The following NAGPA variants were observed in gnomAD, a reference collection of about 807,000 sequenced individuals.
The protein encoded by NAGPA is N-acetylglucosamine-1-phosphodiester alpha-N-acetylglucosaminidase.
Under a neutral mutation model 48.5 loss-of-function variants are expected in NAGPA, and 56 were observed. The ratio of observed to expected loss-of-function variants is 1.15; its 90% confidence interval spans 0.93 to 1.44. The LOEUF (loss-of-function observed/expected upper bound fraction) is 1.44, where lower values mean the gene tolerates loss of function less well. Ranked by LOEUF, NAGPA falls within the 40% of genes most tolerant of loss-of-function variation. The pLI, the probability that NAGPA is intolerant of heterozygous loss-of-function variation, is 0.00. For missense variants in NAGPA, 888 were observed against 735.0 expected (o/e 1.21, Z -2.41); for synonymous variants, 399 against 315.5 (o/e 1.26, Z -2.81).
Position 5,028,393 on chromosome 16 carries a change from G to A in NAGPA, c.921-208C>T, listed in dbSNP as rs13338866. 3.1e-3 allele frequency: 3,010 copies of A among 978,048 alleles called. 71 individuals carry two copies. In the African/African-American group the frequency reaches 0.042, roughly 14 times the overall value. 60.6% of individuals were successfully genotyped at this position (978,048 alleles called of 1,614,324 possible). A position where few individuals can be genotyped will look rare whatever the true frequency, so the allele number is the denominator to read the frequency against. On this transcript the variant is annotated intron_variant, in intron 5 of 9. Coordinates refer to ENST00000312251, the MANE Select transcript of NAGPA (RefSeq NM_016256.4). The stretch of plus-strand genomic sequence containing the variant: ...GTAACCGTAAGGTGTGCACCATCAC[G>A]CCTGCCTAATTTTTTTTTATTTTTT...
chr16:5,027,438 C>CA (rs1956022897), intron 7 of NAGPA, 59 bp from the exon 8 acceptor site: 1 of 1,559,924 alleles, frequency 6.4e-7, no homozygotes, highest in Non-Finnish European at 8.8e-7. Context: ...CCTCCAGTGT[C>CA]AGAGCCTTTC....
chr16:5,027,526 A>C (rs974303522), intron 7 of NAGPA, 147 bp from the exon 8 acceptor site: 2 of 862,350 alleles, frequency 2.3e-6, no homozygotes, highest in Admixed American at 2.1e-5. Context: ...CCCTCCCTGG[A>C]CTAGCCCCTG....
chr16:5,025,504 C>A lies in NAGPA; in HGVS notation c.1522G>T (p.Gly508Cys). 1 of 1,612,418 alleles carries A rather than the reference C, an allele frequency of 6.2e-7. No individual in the cohort carries two copies. The highest frequency in any genetic ancestry group is 2.1e-4 in the Middle Eastern group (1 of 4,784). ...PLAAEKEQPG[G>C]AHNPFKD ...CAGTCCTTGAAGGGGTTGTGGGCGC[C>A]CCCTGGCTGCTCCTTCTCTGCGGCC... The change falls in exon 10 of 10, where the codon GGC becomes TGC. Residue 508 changes from glycine to cysteine, a missense_variant. Physicochemically the swap from Gly to Cys is radical, Grantham distance 159 (BLOSUM62 -3). Coordinates refer to ENST00000312251, the MANE Select transcript of NAGPA (RefSeq NM_016256.4).
chr16:5,025,367 G>A lies in NAGPA; in HGVS notation c.*111C>T, dbSNP rs1955976767. The A allele has an allele frequency of 3.0e-6, 4 of 1,339,926 alleles. No individual in the cohort carries two copies. The highest frequency in any genetic ancestry group is 4.2e-6 in the Non-Finnish European group (4 of 962,458). The allele number at this position is 1,339,926 out of a possible 1,614,324, so 83.0% of individuals were successfully genotyped here. On this transcript the variant is annotated 3_prime_UTR_variant, in exon 10 of 10. Transcript: ENST00000312251. ...ATCAGGAACTTGGCTGCCCCACAGG[G>A]GCTGAGGACACCCAGATGGTCCACG...
rs1250997524 is a variant in NAGPA, at chr16:5,033,464, C to T, written c.351G>A (p.Ala117=). ...TCTCCTCCACGGTGGCGCGTCGTCT[C>T]GCCGCGCAGCCGCCGGGTCCACCGG... ...LEPGGPGGCA[A]RRRATVEETA... Residue 117 remains alanine (A), a synonymous_variant, in exon 2 of 10, where the codon GCG becomes GCA. Coordinates refer to ENST00000312251, the MANE Select transcript of NAGPA (RefSeq NM_016256.4). The surrounding 1 kb of genome is among the most constrained non-coding windows in gnomAD (Gnocchi z 4.2). 24 of 1,582,128 alleles carry T rather than the reference C, an allele frequency of 1.5e-5. No homozygotes were observed. Among genetic ancestry groups the T allele is most frequent in the Non-Finnish European group, 2.0e-5 (23 of 1,172,438 alleles).
In NAGPA at chr16:5,028,083, C is replaced by T. The variant is rs770818079; in HGVS notation, c.1023G>A (p.Val341=). 16 of 1,613,332 alleles carry T rather than the reference C, an allele frequency of 9.9e-6. No individual in the cohort carries two copies. Among genetic ancestry groups the T allele is most frequent in the Middle Eastern group, 1.6e-4 (1 of 6,082 alleles). The change falls in exon 6 of 10, where the codon GTG becomes GTA. Residue 341 remains valine, a synonymous_variant. Transcript: ENST00000312251. ...GCCCGGTGCATTGGCAGTGCCCGTC[C>T]ACGCAGGTCCCGTGGCCGTGGCAGT... ...PPDCHGHGTC[V]DGHCQCTGHF...
rs71402581 is a variant in NAGPA, at chr16:5,027,394, TGGGAGGA to T, written c.1175-22_1175-16del. Reference sequence around the variant, plus strand: ...AAGGGGACACTCTATGGAAAGGAGATGGGAGGAGGGAGGAGGGAGGAGAAAGGTTGGG... The same window carrying T: ...AAGGGGACACTCTATGGAAAGGAGATGGGAGGAGGGAGGAGAAAGGTTGGG... On this transcript the variant is annotated splice_polypyrimidine_tract_variant and intron_variant, in intron 7 of 9. Coordinates refer to ENST00000312251, the MANE Select transcript of NAGPA (RefSeq NM_016256.4). 0.41 allele frequency: 662,996 copies of T among 1,608,326 alleles called. 138,732 individuals carry two copies. Among genetic ancestry groups the T allele is most frequent in the Middle Eastern group, 0.53 (3,111 of 5,868 alleles).
chr16:5,030,107 A>G, intron 4 of NAGPA: 1 of 548,820 alleles, frequency 1.8e-6, no homozygotes, highest in Non-Finnish European at 3.3e-6. Context: ...TGGGATTGGA[A>G]CCAAGATCTT....
At chr16:5,032,500 C>CG (rs931022428) in intron 2 of NAGPA, among the ~76,000 whole-genome samples, 7 of 151,340 alleles carry the variant, frequency 4.6e-5, no homozygotes, top group East Asian at 3.9e-4. Context: ...CGTTCCCCAC[C>CG]CCATCCCGTC....
At position 5,025,087 on chromosome 16, in the gene NAGPA, C is replaced by A; in HGVS notation, c.*391G>T. On this transcript the variant is annotated 3_prime_UTR_variant, in exon 10 of 10. Transcript: ENST00000312251. ...AAGGCAGACTCGTCCCTTTAACCCA[C>A]TCCAGCCAGGGGTGCTGGCCAGGAT... The A allele has an allele frequency of 3.8e-6, 1 of 260,984 alleles. No individual in the cohort carries two copies. Among genetic ancestry groups the A allele is most frequent in the African/African-American group, 2.2e-5 (1 of 46,320 alleles). The allele number at this position is 260,984 out of a possible 1,614,324, so 16.2% of individuals were successfully genotyped here.
Position 5,033,891 on chromosome 16 carries a change from C to A in NAGPA, c.24G>T (p.Trp8Cys). 1 of 1,549,286 alleles carries A rather than the reference C, an allele frequency of 6.5e-7. No individual in the cohort carries two copies. The highest frequency in any genetic ancestry group is 1.2e-5 in the South Asian group (1 of 83,982). The change falls in exon 1 of 10, where the codon TGG becomes TGT. Residue 8 changes from tryptophan (W) to cysteine (C), a missense_variant. By Grantham distance (215) the Trp-to-Cys change is radical (BLOSUM62 -2). Transcript: ENST00000312251. The surrounding 1 kb of genome is among the most constrained non-coding windows in gnomAD (Gnocchi z 4.2). ...CGAATAGTGCAAGCCGGAGGAGAAG[C>A]CAGCGACCCGTGGAGGTCGCCATAT... MATSTGR[W>C]LLLRLALFGF...
In NAGPA at chr16:5,033,180, A is replaced by T. The variant is rs1956133266; in HGVS notation, c.542+93T>A. On this transcript the variant is annotated intron_variant, in intron 2 of 9. Transcript: ENST00000312251. The surrounding 1 kb of genome is among the most constrained non-coding windows in gnomAD (Gnocchi z 4.2). ...TCTGCAGAGGAGGAAACAGGGGCTC[A>T]GCTTGGTTAAGTGACTTGAACACGG... 1 of 1,420,052 alleles carries T rather than the reference A, an allele frequency of 7.0e-7. No homozygotes were observed. Among genetic ancestry groups the T allele is most frequent in the African/African-American group, 1.4e-5 (1 of 70,772 alleles). The allele number at this position is 1,420,052 out of a possible 1,614,324, so 88.0% of individuals were successfully genotyped here.
chr16:5,028,031 C>T lies in NAGPA; in HGVS notation c.1075G>A (p.Glu359Lys), dbSNP rs770485154. ...CAGTTAGAGGGGCCACAGTCCAGCT[C>T]ATCACAGCCGGGACCCCGCCAGAAG... is the stretch of plus-strand genomic sequence containing the variant. The part of the protein sequence containing the change: ...GHFWRGPGCD[E>K]LDCGPSNCSQ... The change falls in exon 6 of 10, where the codon GAG (glutamate) becomes AAG (lysine). Residue 359 changes from glutamate (E) to lysine (K), a missense_variant. By Grantham distance (56) the Glu-to-Lys change is moderately conservative. Transcript: ENST00000312251. The T allele has an allele frequency of 5.0e-6, 8 of 1,613,732 alleles. No homozygotes were observed. The highest frequency in any genetic ancestry group is 3.3e-4 in the Middle Eastern group (2 of 6,084).
At chr16:5,032,453 C>T (rs931471080) in intron 2 of NAGPA, among the ~76,000 whole-genome samples, 48 of 151,608 alleles carry the variant, frequency 3.2e-4, no homozygotes, top group African/African-American at 1.1e-3. Context: ...GTCAGGAGTT[C>T]GAGACCGGCC....
chr16:5,025,331 G>T lies in NAGPA; in HGVS notation c.*147C>A. On this transcript the variant is annotated 3_prime_UTR_variant, in exon 10 of 10. Coordinates refer to ENST00000312251, the MANE Select transcript of NAGPA (RefSeq NM_016256.4). ...GCAGGTGGCCAGGTGAGGGGCTGAG[G>T]CACAAGTGCTATCAGGAACTTGGCT... The T allele has an allele frequency of 1.1e-6, 1 of 935,000 alleles. No homozygotes were observed. Among genetic ancestry groups the T allele is most frequent in the Non-Finnish European group, 1.6e-6 (1 of 610,048 alleles). The allele number at this position is 935,000 out of a possible 1,614,324, so 57.9% of individuals were successfully genotyped here.
At chr16:5,028,470 A>G in intron 5 of NAGPA, 1 of 670,378 alleles carries the variant, frequency 1.5e-6, no homozygotes, top group East Asian at 3.2e-5. Flanking sequence ...CCTGGGCCCA[A>G]GCGAACCTCC....
chr16:5,026,663 A>T (rs1049079896), intron 9 of NAGPA, among the ~76,000 whole-genome samples: 1 of 152,120 alleles, frequency 6.6e-6, no homozygotes, highest in African/African-American at 2.4e-5. Context: ...TGGGAGGCCA[A>T]GGTGGGAGGA....
chr16:5,031,565 ATT>A, intron 3 of NAGPA, 178 bp downstream of exon 3: 1 of 805,028 alleles, frequency 1.2e-6, no homozygotes, highest in Non-Finnish European at 2.1e-6. Context: ...TTCTATAACT[ATT>A]TTTTGTCCTA....
rs1299776789 is a variant in NAGPA, at chr16:5,025,291, G to T, written c.*187C>A. 7.2e-6 allele frequency: 5 copies of T among 693,384 alleles called. No homozygotes were observed. The highest frequency in any genetic ancestry group is 1.2e-5 in the Non-Finnish European group (5 of 400,292). 43.0% of individuals were successfully genotyped at this position (693,384 alleles called of 1,614,324 possible). ...CTCCAGCGAGCATGGTATTGCTAGG[G>T]TTGCAGGTGCCCTGGCAGGTGGCCA... On this transcript the variant is annotated 3_prime_UTR_variant, in exon 10 of 10. Coordinates refer to ENST00000312251, the MANE Select transcript of NAGPA (RefSeq NM_016256.4).
Sources: allele counts gnomAD v4.1 joint callset (sites outside exome capture counted in the v4.1 genomes callset), GRCh38; gene constraint gnomAD v4.1.1; non-coding constraint Gnocchi (gnomAD v3.1); transcripts MANE v1.5; gene names NCBI Gene and HGNC (gene_info 2026-07-23, HGNC 2026-07-21).